Variants in TAF15 observed in about 807,000 individuals in gnomAD.
TAF15 encodes TATA-box binding protein associated factor 15.
A neutral mutation model predicts 102.5 loss-of-function variants in TAF15; 37 were observed. The observed-to-expected ratio is 0.36, with a 90% CI of 0.28 to 0.47. TAF15 has a LOEUF of 0.47. TAF15 is among the 20% of genes least tolerant of loss of function. The pLI is 0.99. For synonymous variants in TAF15, 273 were observed against 259.2 expected (o/e 1.05, Z -0.51); for missense variants, 652 against 760.7 (o/e 0.86, Z 1.68).
chr17:35,812,583 CAAAAAAAAAA>C lies in TAF15; in HGVS notation c.7+3021_7+3030del, dbSNP rs34497840. Among the ~76,000 whole-genome samples the C allele has an allele frequency of 9.1e-5, 6 of 66,276 alleles. No homozygotes were observed. In the East Asian group the frequency reaches 1.3e-3, roughly 14 times the overall value. 43.5% of individuals were successfully genotyped at this position (66,276 alleles called of 152,430 possible). ...CTGGGGAACAAGAGAAACTCTATCT[CAAAAAAAAAA>C]AAAAAAAAAAAAACCTGAAAAACAT... is the stretch of plus-strand genomic sequence containing the variant. On this transcript the variant is annotated intron_variant, in intron 1 of 15. Transcript: ENST00000605844.
Position 35,847,180 on chromosome 17 carries a change from GCCAA to G in TAF15, c.*236_*239del, listed in dbSNP as rs2087634129. 1.3e-5 allele frequency: 8 copies of G among 609,820 alleles called. No individual in the cohort carries two copies. The highest frequency in any genetic ancestry group is 2.0e-5 in the Non-Finnish European group (7 of 344,750). 37.8% of individuals were successfully genotyped at this position (609,820 alleles called of 1,614,324 possible). On this transcript the variant is annotated 3_prime_UTR_variant, in exon 16 of 16. Transcript: ENST00000605844. Reference sequence around the variant, plus strand: ...GGAGCTAAATGCGTTGTAAAATATTGCCAAAATGAAAAGTGTTTTGTAATACTGC... The same window carrying G: ...GGAGCTAAATGCGTTGTAAAATATTGAATGAAAAGTGTTTTGTAATACTGC...
intron 7 of TAF15, among the ~76,000 whole-genome samples, chr17:35,832,511 AT>A (rs1306576275): frequency 2.6e-5 from 4 of 152,210 alleles, no homozygotes; most frequent in Non-Finnish European, 5.9e-5. Flanking sequence ...CAGAAAAGCC[AT>A]TTATAGGGTA....
In TAF15 at chr17:35,824,241, CTTT is replaced by C. The variant is rs35907284; in HGVS notation, c.605+55_605+57del. ...GATGCGTACATTTCTTCTTCTTCCTCTTTTTTTTTTTTTTAAGGTGTTACTTGG... is the reference window on the plus strand; with the variant it reads ...GATGCGTACATTTCTTCTTCTTCCTCTTTTTTTTTTTAAGGTGTTACTTGG... On this transcript the variant is annotated intron_variant, in intron 7 of 15. Transcript: ENST00000605844. 1.0e-4 allele frequency: 149 copies of C among 1,457,614 alleles called. No individual in the cohort carries two copies. The African/African-American group carries it at 1.8e-3, about 17-fold the overall frequency. 90.3% of individuals were successfully genotyped at this position (1,457,614 alleles called of 1,614,324 possible).
chr17:35,826,724 ATTTTTTTTTT>A (rs756619028), intron 7 of TAF15, among the ~76,000 whole-genome samples: 1 of 127,994 alleles, frequency 7.8e-6, no homozygotes, highest in Non-Finnish European at 1.7e-5. Flanking sequence ...CACCCGGCTA[ATTTTTTTTTT>A]TTTTTTTTTT....
At position 35,817,704 on chromosome 17, in the gene TAF15, T is replaced by C; in HGVS notation, c.8-12T>C. ...TTTAAATAAGATTTAAAATTCTTTT[T>C]ATGTGTTCTAGATTCTGGAAGTTAC... On this transcript the variant is annotated splice_polypyrimidine_tract_variant and intron_variant, in intron 1 of 15. Coordinates refer to ENST00000605844, the MANE Select transcript of TAF15 (RefSeq NM_139215.3). 22 of 1,612,470 alleles carry C rather than the reference T, an allele frequency of 1.4e-5. No individual in the cohort carries two copies. Among genetic ancestry groups the C allele is most frequent in the Non-Finnish European group, 1.9e-5 (22 of 1,178,644 alleles).
At chr17:35,838,593 A>G (rs1468078569) in intron 11 of TAF15, 40 bp downstream of exon 11, 1 of 1,609,944 alleles carries the variant, frequency 6.2e-7, no homozygotes, top group Admixed American at 1.7e-5. Context: ...GAAGTTGGAT[A>G]AATGTTTTCT....
chr17:35,834,648 T>TG, intron 9 of TAF15, 50 bp downstream of exon 9: 1 of 1,591,106 alleles, frequency 6.3e-7, no homozygotes, highest in Non-Finnish European at 8.6e-7. Context: ...ATGTTAGTTT[T>TG]TTTTTTGATG....
intron 7 of TAF15, among the ~76,000 whole-genome samples, chr17:35,827,463 T>C (rs2087345112): frequency 6.6e-6 from 1 of 152,104 alleles, no homozygotes; most frequent in South Asian, 2.1e-4. Flanking sequence ...TCCAGCACTT[T>C]GGAGGGCACA....
At position 35,836,187 on chromosome 17, in the gene TAF15, G is replaced by T; in HGVS notation, c.729G>T (p.Glu243Asp). The change falls in exon 10 of 16, where the codon GAG (glutamate) becomes GAT (aspartate). Residue 243 changes from glutamate (E) to aspartate (D), a missense_variant. This residue lies in a region of TAF15 where 41 missense variants were observed against 109.1 expected (regional missense o/e 0.38). Coordinates refer to ENST00000605844, the MANE Select transcript of TAF15 (RefSeq NM_139215.3). ...CAATCTTTGTGCAAGGACTTGGGGA[G>T]GGTGTGTCTACAGATCAAGTTGGGG... Reference protein sequence around the residue: ...NNTIFVQGLGEGVSTDQVGEF... With the variant: ...NNTIFVQGLGDGVSTDQVGEF... 1 of 1,613,804 alleles carries T rather than the reference G, an allele frequency of 6.2e-7. No individual in the cohort carries two copies. Among genetic ancestry groups the T allele is most frequent in the Non-Finnish European group, 8.5e-7 (1 of 1,179,816 alleles).
rs377356827 is a variant in TAF15, at chr17:35,809,763, T to C, written c.7+187T>C. The C allele has an allele frequency of 8.2e-5, 62 of 755,078 alleles. No homozygotes were observed. In the East Asian group the frequency reaches 1.3e-3, roughly 15 times the overall value. 46.8% of individuals were successfully genotyped at this position (755,078 alleles called of 1,614,324 possible). On this transcript the variant is annotated intron_variant, in intron 1 of 15. Coordinates refer to ENST00000605844, the MANE Select transcript of TAF15 (RefSeq NM_139215.3). ...CGCACGCTCCCAATGGCTCCCCGGC[T>C]GCAAATCACGGCGGGAGCGCCTCGG...
chr17:35,836,035 A>G (rs2087470260), intron 9 of TAF15, 97 bp from the exon 10 acceptor site: 1 of 848,852 alleles, frequency 1.2e-6, no homozygotes, highest in Non-Finnish European at 1.9e-6. Flanking sequence ...TCATAGAAAC[A>G]ATTGAATATT....
chr17:35,834,324 G>T (rs2087443611), intron 8 of TAF15: 1 of 511,040 alleles, frequency 2.0e-6, no homozygotes, highest in South Asian at 2.8e-5. Context: ...AGTGATACTA[G>T]CATAATGCTA....
At chr17:35,820,674 G>A (rs765822119) in intron 5 of TAF15, among the ~76,000 whole-genome samples, 3 of 152,022 alleles carry the variant, frequency 2.0e-5, no homozygotes, top group Non-Finnish European at 4.4e-5. Flanking sequence ...CCTTAAAAAT[G>A]TTAGAAAATT....
intron 7 of TAF15, among the ~76,000 whole-genome samples, chr17:35,825,001 A>C (rs1009320567): frequency 2.0e-5 from 3 of 152,232 alleles, no homozygotes; most frequent in African/African-American, 4.8e-5. Flanking sequence ...GTAAATACAC[A>C]GGCTAAAAGG....
At chr17:35,831,406 CAAA>C (rs768297689) in intron 7 of TAF15, among the ~76,000 whole-genome samples, 8 of 77,508 alleles carry the variant, frequency 1.0e-4, no homozygotes, top group Admixed American at 1.4e-4. Flanking sequence ...GACTCCGTCG[CAAA>C]AAAAAAAAAA....
intron 12 of TAF15, among the ~76,000 whole-genome samples, chr17:35,843,067 C>T (rs1276075941): frequency 6.6e-6 from 1 of 151,964 alleles, no homozygotes; most frequent in Non-Finnish European, 1.5e-5. Context: ...GGTAATTAAT[C>T]TGACCAGTTT....
intron 7 of TAF15, among the ~76,000 whole-genome samples, chr17:35,827,919 A>G (rs969412018): frequency 2.0e-5 from 3 of 152,174 alleles, no homozygotes; most frequent in African/African-American, 7.2e-5. Context: ...TGAAAAAGCA[A>G]TTGTAGCAAA....
At chr17:35,838,597 G>A (rs181561317) in intron 11 of TAF15, 44 bp downstream of exon 11, 1 of 1,613,468 alleles carries the variant, frequency 6.2e-7, no homozygotes, top group Non-Finnish European at 8.5e-7. Flanking sequence ...TTGGATAAAT[G>A]TTTTCTAGTC....
chr17:35,810,591 C>G (rs1465146151), intron 1 of TAF15: 1 of 152,206 alleles, frequency 6.6e-6, no homozygotes, highest in Non-Finnish European at 1.5e-5. Flanking sequence ...GAGTTAGATA[C>G]CAGTTTTCTG....
Sources: gnomAD v4.1 joint callset for allele counts (sites outside exome capture counted in the v4.1 genomes callset) on GRCh38, gnomAD v4.1.1 for gene constraint, gnomAD v4.1.1 regional missense constraint, MANE v1.5 for transcripts, NCBI Gene and HGNC (gene_info 2026-07-23, HGNC 2026-07-21) for gene names.